Variants in THAP12 observed in about 807,000 individuals in gnomAD.
THAP12 encodes the protein 52 kDa repressor of the inhibitor of the protein kinase.
THAP12 carries 20 observed loss-of-function variants against 63.0 expected under a neutral mutation model. The ratio of observed to expected loss-of-function variants is 0.32; its 90% CI spans 0.22 to 0.46. THAP12 has a LOEUF of 0.46. Ranked by LOEUF, THAP12 falls within the 20% of genes least tolerant of loss-of-function variation. The pLI is 1.00. For synonymous variants in THAP12, 264 were observed against 328.4 expected (o/e 0.80, Z 2.12); for missense variants, 568 against 908.2 (o/e 0.63, Z 4.81).
intron 1 of THAP12, among the ~76,000 whole-genome samples, chr11:76,377,609 T>C (rs1265731112): frequency 1.3e-5 from 2 of 152,268 alleles, no homozygotes; most frequent in Non-Finnish European, 2.9e-5. Flanking sequence ...TAATATTTCA[T>C]TGTATTGATA....
intron 1 of THAP12, among the ~76,000 whole-genome samples, chr11:76,369,729 C>T (rs1363062750): frequency 2.0e-5 from 3 of 152,250 alleles, no homozygotes; most frequent in East Asian, 1.9e-4. Flanking sequence ...GTAAAAACCT[C>T]GGACACTACG....
chr11:76,354,268 C>A (rs1946546067), intron 4 of THAP12, among the ~76,000 whole-genome samples: 1 of 152,136 alleles, frequency 6.6e-6, no homozygotes, highest in Admixed American at 6.5e-5. Flanking sequence ...CCTTCCTTCA[C>A]CCCTCCTCAA....
chr11:76,353,775 C>G (rs1444905680), intron 4 of THAP12, among the ~76,000 whole-genome samples: 2 of 152,220 alleles, frequency 1.3e-5, no homozygotes, highest in Non-Finnish European at 2.9e-5. Context: ...CTTTGGGAGG[C>G]TGAGGTGGGT....
At chr11:76,379,488 CCTCTCTCCCAGT>C (rs1946734823) in intron 1 of THAP12, among the ~76,000 whole-genome samples, 1 of 152,200 alleles carries the variant, frequency 6.6e-6, no homozygotes, top group Admixed American at 6.5e-5. Flanking sequence ...TCTCATCTCA[CCTCTCTCCCAGT>C]CCCTCTCCCT....
intron 3 of THAP12, chr11:76,359,140 T>A (rs1418109217): frequency 2.0e-5 from 3 of 152,202 alleles, no homozygotes; most frequent in Non-Finnish European, 4.4e-5. Flanking sequence ...GAATATATCA[T>A]CTATACCAGT....
In THAP12 at chr11:76,351,361, G is replaced by C; in HGVS notation, c.1789C>G (p.Gln597Glu). Residue 597 changes from glutamine to glutamate, a missense_variant, in exon 5 of 5, where the codon CAG (glutamine) becomes GAG (glutamate). Physicochemically the swap from Gln to Glu is conservative, Grantham distance 29. Coordinates refer to ENST00000260045, the MANE Select transcript of THAP12 (RefSeq NM_004705.4). Reference sequence around the variant, plus strand: ...AAGCATTTAAGAGCTTTGAGGTGCTGTTCTGAGAATATATCTTTAAGTTCC... The same window carrying C: ...AAGCATTTAAGAGCTTTGAGGTGCTCTTCTGAGAATATATCTTTAAGTTCC... ...IQELKDIFSE[Q>E]HLKALKCLSL... The C allele has an allele frequency of 6.3e-7, 1 of 1,599,570 alleles. No individual in the cohort carries two copies. Among genetic ancestry groups the C allele is most frequent in the Non-Finnish European group, 8.5e-7 (1 of 1,169,624 alleles).
Position 76,352,664 on chromosome 11 carries a change from G to C in THAP12, c.486C>G (p.Asn162Lys), listed in dbSNP as rs764913318. The change falls in exon 5 of 5, where the codon AAC (asparagine) becomes AAG (lysine). Residue 162 changes from asparagine (N) to lysine (K), a missense_variant. Physicochemically the swap from Asn to Lys is moderately conservative, Grantham distance 94. Coordinates refer to ENST00000260045, the MANE Select transcript of THAP12 (RefSeq NM_004705.4). ...CAAATAGAGATTTTAGGTATTCTTT[G>C]TTTTCCTTCTCTTCAAGGGTTAGAG... is the stretch of plus-strand genomic sequence containing the variant. ...ILPLTLEEKE[N>K]KEYLKSLFEI... 1 of 1,612,328 alleles carries C rather than the reference G, an allele frequency of 6.2e-7. No individual in the cohort carries two copies. The highest frequency in any genetic ancestry group is 8.5e-7 in the Non-Finnish European group (1 of 1,179,858).
chr11:76,361,183 CTTA>C, intron 2 of THAP12, 120 bp from the exon 3 acceptor site: 1 of 637,728 alleles, frequency 1.6e-6, no homozygotes, highest in South Asian at 2.2e-5. Flanking sequence ...AGTATAGAGA[CTTA>C]CAGAATTTGA....
chr11:76,359,239 T>C (rs1946581187), intron 3 of THAP12: 1 of 152,222 alleles, frequency 6.6e-6, no homozygotes, highest in South Asian at 2.1e-4. Context: ...ATTTTTCGTT[T>C]TCTGTACTCC....
rs546275960 is a variant in THAP12, at chr11:76,354,540, T to C, written c.355+1078A>G. ...CTTTTGGACATCTTTTTAGGTGTCA[T>C]AGGTATACAAATTTCTTAAGTTCCT... On this transcript the variant is annotated intron_variant, in intron 4 of 4. Transcript: ENST00000260045. Among the ~76,000 whole-genome samples the C allele has an allele frequency of 5.2e-3, 793 of 152,344 alleles. 2 individuals carry two copies. The highest frequency in any genetic ancestry group is 8.6e-3 in the Non-Finnish European group (582 of 68,038).
intron 1 of THAP12, 21 bp from the exon 2 acceptor site, chr11:76,365,993 C>T: frequency 1.9e-6 from 3 of 1,606,918 alleles, no homozygotes; most frequent in Non-Finnish European, 2.5e-6. Flanking sequence ...AACCAAAATA[C>T]AATTATGAAA....
At chr11:76,380,506 TG>T (rs1305557739) in intron 1 of THAP12, among the ~76,000 whole-genome samples, 1 of 152,012 alleles carries the variant, frequency 6.6e-6, no homozygotes, top group Non-Finnish European at 1.5e-5. Flanking sequence ...CCCTCGCGTT[TG>T]GGGTGGTGTC....
At chr11:76,362,995 T>C (rs1359651720) in intron 2 of THAP12, among the ~76,000 whole-genome samples, 1 of 151,996 alleles carries the variant, frequency 6.6e-6, no homozygotes, top group Non-Finnish European at 1.5e-5. Flanking sequence ...ATACAAAAAT[T>C]AGCGAGGTAT....
At chr11:76,376,913 T>C (rs1290165090) in intron 1 of THAP12, among the ~76,000 whole-genome samples, 1 of 152,080 alleles carries the variant, frequency 6.6e-6, no homozygotes, top group African/African-American at 2.4e-5. Context: ...TGTAAGAATG[T>C]CTTTGGGCTA....
At chr11:76,357,569 T>C (rs866460885) in intron 3 of THAP12, 4 of 150,170 alleles carry the variant, frequency 2.7e-5, no homozygotes, top group Non-Finnish European at 4.4e-5. Context: ...AAAAGAAGAT[T>C]ACCTAAAAAG....
In THAP12 at chr11:76,352,813, A is replaced by T; in HGVS notation, c.356-19T>A. The stretch of plus-strand genomic sequence containing the variant: ...TCATCAACTGGAAAACAAAGAATTA[A>T]TTTTACAAACAGGCTCATGAAAAAC... On this transcript the variant is annotated intron_variant, in intron 4 of 4. Transcript: ENST00000260045. The T allele has an allele frequency of 1.3e-6, 2 of 1,503,312 alleles. No homozygotes were observed. Among genetic ancestry groups the T allele is most frequent in the Non-Finnish European group, 1.8e-6 (2 of 1,127,514 alleles). The allele number at this position is 1,503,312 out of a possible 1,614,324, so 93.1% of individuals were successfully genotyped here.
At chr11:76,379,657 G>A (rs569849257) in intron 1 of THAP12, among the ~76,000 whole-genome samples, 3 of 152,198 alleles carry the variant, frequency 2.0e-5, no homozygotes, top group East Asian at 1.9e-4. Flanking sequence ...GCAATTGTGC[G>A]TCCCTTGATA....
At chr11:76,366,060 C>G (rs1463265066) in intron 1 of THAP12, 88 bp from the exon 2 acceptor site, 1 of 1,378,666 alleles carries the variant, frequency 7.3e-7, no homozygotes, top group Non-Finnish European at 9.9e-7. Context: ...ACATTAATAA[C>G]AACGGATTCC....
Position 76,351,826 on chromosome 11 carries a change from G to A in THAP12, c.1324C>T (p.Gln442Ter). The A allele has an allele frequency of 6.2e-7, 1 of 1,601,438 alleles. No homozygotes were observed. Among genetic ancestry groups the A allele is most frequent in the South Asian group, 1.1e-5 (1 of 88,694 alleles). The change falls in exon 5 of 5, where the codon CAA (glutamine) becomes TAA (stop). Residue 442 changes from glutamine to a stop codon, truncating the protein, a stop_gained. Transcript: ENST00000260045. LOFTEE classifies it high-confidence loss of function. ...CCATCTAAACATAAAACAAGTGCTT[G>A]CAGGAGTTCCACTAAAATTTCAAAA... ...DAFEILVELL[Q>*]ALVLCLDGIN...
Sources: allele counts gnomAD v4.1 joint callset (sites outside exome capture counted in the v4.1 genomes callset), GRCh38; gene constraint gnomAD v4.1.1; transcripts MANE v1.5; gene names NCBI Gene and HGNC (gene_info 2026-07-23, HGNC 2026-07-21).